Variants in TCF4 observed in about 807,000 individuals in gnomAD.
TCF4 encodes transcription factor 4.
A neutral mutation model predicts 82.1 loss-of-function variants in TCF4; 3 were observed. That is an observed-to-expected ratio of 0.04 (90% CI 0.02 to 0.09). TCF4 has a LOEUF of 0.09. TCF4 is among the 10% of genes least tolerant of loss of function. The pLI is 1.00. For missense variants in TCF4, 518 were observed against 852.7 expected (o/e 0.61, Z 4.89); for synonymous variants, 276 against 309.6 (o/e 0.89, Z 1.14).
chr18:55,555,914 A>T (rs917768045), intron 3 of TCF4, among the ~76,000 whole-genome samples: 1 of 152,176 alleles, frequency 6.6e-6, no homozygotes, highest in Non-Finnish European at 1.5e-5. Context: ...GTTTCCTATC[A>T]ATGATATTTC....
intron 3 of TCF4, chr18:55,510,627 A>G: frequency 1.3e-6 from 2 of 1,515,060 alleles, no homozygotes; most frequent in Non-Finnish European, 8.8e-7. Flanking sequence ...TTCCCCCAAT[A>G]TATCTGGTGA....
At chr18:55,257,082 T>C (rs1197240111) in intron 14 of TCF4, among the ~76,000 whole-genome samples, 2 of 152,240 alleles carry the variant, frequency 1.3e-5, no homozygotes, top group Middle Eastern at 3.4e-3. Context: ...CAGGATTTTA[T>C]CTGCTACTAG....
At chr18:55,248,538 G>A (rs1276092158) in intron 15 of TCF4, among the ~76,000 whole-genome samples, 1 of 152,120 alleles carries the variant, frequency 6.6e-6, no homozygotes, top group Non-Finnish European at 1.5e-5. Context: ...AATATTACTG[G>A]TAGAGCTAAA....
chr18:55,234,903 G>C (rs962047772), intron 15 of TCF4, among the ~76,000 whole-genome samples: 3 of 152,160 alleles, frequency 2.0e-5, no homozygotes, highest in Admixed American at 6.5e-5. Flanking sequence ...TGACAAATAT[G>C]GCAGAGTAGC....
Position 55,588,176 on chromosome 18 carries a change from C to G in TCF4, c.-159G>C, listed in dbSNP as rs1347773170. 33 of 1,141,394 alleles carry G rather than the reference C, an allele frequency of 2.9e-5. No individual in the cohort carries two copies. The highest frequency in any genetic ancestry group is 3.5e-5 in the Non-Finnish European group (33 of 935,890). 70.7% of individuals were successfully genotyped at this position (1,141,394 alleles called of 1,614,324 possible). Reference sequence around the variant, plus strand: ...GCCTCCCCGCCGCCGCCGCCGCCGCCGCCACTACAGATCCGCAGACACACA... The same window carrying G: ...GCCTCCCCGCCGCCGCCGCCGCCGCGGCCACTACAGATCCGCAGACACACA... On this transcript the variant is annotated 5_prime_UTR_variant, in exon 1 of 20. Transcript: ENST00000354452.
At chr18:55,627,992 G>T (rs183934016) in intron 2 of TCF4, among the ~76,000 whole-genome samples, 1 of 152,108 alleles carries the variant, frequency 6.6e-6, no homozygotes, top group African/African-American at 2.4e-5. Context: ...CCCGGGAGGC[G>T]GAGCTTGCAG....
intron 3 of TCF4, among the ~76,000 whole-genome samples, chr18:55,520,064 A>G (rs1402962663): frequency 2.0e-5 from 3 of 152,186 alleles, no homozygotes; most frequent in Non-Finnish European, 4.4e-5. Flanking sequence ...ATTGAAAGCA[A>G]TGCCATAAAT....
chr18:55,255,903 CATTTCT>C (rs1214285573), intron 14 of TCF4, among the ~76,000 whole-genome samples: 11 of 152,100 alleles, frequency 7.2e-5, no homozygotes, highest in Non-Finnish European at 1.3e-4. Context: ...TGAGAAAAAA[CATTTCT>C]ATTTTATACT....
chr18:55,510,276 C>T (rs770098458), intron 3 of TCF4, among the ~76,000 whole-genome samples: 14 of 152,128 alleles, frequency 9.2e-5, no homozygotes, highest in African/African-American at 1.4e-4. Flanking sequence ...TTCCATTCCT[C>T]TATTTCTCCG....
At chr18:55,514,674 C>A (rs1017152510) in intron 3 of TCF4, among the ~76,000 whole-genome samples, 10 of 152,114 alleles carry the variant, frequency 6.6e-5, no homozygotes, top group Non-Finnish European at 1.5e-4. Context: ...CTCAGGGCAG[C>A]CGCAGCATTT....
chr18:55,302,918 C>G (rs1203645972), intron 8 of TCF4, among the ~76,000 whole-genome samples: 1 of 152,092 alleles, frequency 6.6e-6, no homozygotes, highest in Non-Finnish European at 1.5e-5. Context: ...ATTTATTTCT[C>G]AAAATATCTG....
intron 8 of TCF4, among the ~76,000 whole-genome samples, chr18:55,294,696 C>T (rs1380070306): frequency 6.6e-6 from 1 of 152,206 alleles, no homozygotes; most frequent in Non-Finnish European, 1.5e-5. Context: ...CAGAATTTCT[C>T]AAGAAACTCA....
intron 3 of TCF4, among the ~76,000 whole-genome samples, chr18:55,575,582 T>C (rs999833653): frequency 2.6e-5 from 4 of 152,080 alleles, no homozygotes; most frequent in Admixed American, 2.6e-4. Context: ...ATAAATTTTT[T>C]TTTTTACTCT....
intron 5 of TCF4, among the ~76,000 whole-genome samples, chr18:55,421,063 C>CA (rs1017225963): frequency 1.3e-5 from 2 of 150,156 alleles, no homozygotes; most frequent in African/African-American, 2.4e-5. Flanking sequence ...TTTGCCCACA[C>CA]AAAAAAAGAA....
chr18:55,591,835 A>G (rs890304542), upstream of TCF4, among the ~76,000 whole-genome samples: 4 of 152,278 alleles, frequency 2.6e-5, no homozygotes, highest in African/African-American at 7.2e-5. Flanking sequence ...CTGAATTTCA[A>G]GGGCAATAAA....
At chr18:55,280,753 C>A (rs937649090) in intron 8 of TCF4, among the ~76,000 whole-genome samples, 2 of 151,964 alleles carry the variant, frequency 1.3e-5, no homozygotes, top group African/African-American at 4.8e-5. Flanking sequence ...AAGGCAAGTG[C>A]AGGGTTACCA....
At chr18:55,586,154 AGCAGCAGCAGCAGCAGCAGC>A (rs1568465539) in intron 2 of TCF4, 2 of 82,814 alleles carry the variant, frequency 2.4e-5, no homozygotes, top group South Asian at 1.5e-4. Context: ...GAGGAGGAGG[AGCAGCAGCAGCAGCAGCAGC>A]AGCAGCAGCA....
intron 3 of TCF4, among the ~76,000 whole-genome samples, chr18:55,490,981 T>C (rs990950415): frequency 6.6e-6 from 1 of 152,128 alleles, no homozygotes; most frequent in Non-Finnish European, 1.5e-5. Flanking sequence ...AAGGAAGTCT[T>C]TCAAAAGATG....
At chr18:55,303,336 C>T (rs1164398617) in intron 8 of TCF4, among the ~76,000 whole-genome samples, 1 of 151,890 alleles carries the variant, frequency 6.6e-6, no homozygotes, top group Non-Finnish European at 1.5e-5. Flanking sequence ...AATGCAGGAT[C>T]GCTTTCCCTC....
Sources: gnomAD v4.1 joint callset for allele counts (sites outside exome capture counted in the v4.1 genomes callset) on GRCh38, gnomAD v4.1.1 for gene constraint, MANE v1.5 for transcripts, NCBI Gene and HGNC (gene_info 2026-07-23, HGNC 2026-07-21) for gene names.